SS18: variants seen among roughly 807,000 people sequenced by gnomAD.
The protein encoded by SS18 is protein SSXT.
SS18 carries 28 observed loss-of-function variants against 72.5 expected under a neutral mutation model. The ratio of observed to expected loss-of-function variants is 0.39; its 90% CI spans 0.29 to 0.53. The LOEUF is 0.53. Ranked by LOEUF, SS18 falls within the 20% of genes least tolerant of loss-of-function variation. SS18 has a pLI of 0.76. For missense variants in SS18, 518 were observed against 535.3 expected, an observed-to-expected ratio of 0.97 and a Z score of 0.32; for synonymous variants, 172 against 164.2, an observed-to-expected ratio of 1.05 and a Z score of -0.37.
chr18:26,086,817 C>T (rs972534411), intron 2 of SS18, among the ~76,000 whole-genome samples: 1 of 152,160 alleles, frequency 6.6e-6, no homozygotes, highest in African/African-American at 2.4e-5. Flanking sequence ...AAATGAAGAT[C>T]TAACTTTCCC....
At chr18:26,078,643 T>C (rs1222780203) in intron 2 of SS18, among the ~76,000 whole-genome samples, 2 of 152,274 alleles carry the variant, frequency 1.3e-5, no homozygotes, top group Non-Finnish European at 2.9e-5. Flanking sequence ...CCCAGCCCTT[T>C]AGGAGCCCAA....
intron 1 of SS18, 25 bp from the exon 2 acceptor site, chr18:26,087,602 A>C: frequency 1.5e-6 from 2 of 1,343,994 alleles, no homozygotes; most frequent in Non-Finnish European, 2.1e-6. Context: ...GAAAAGGTTT[A>C]GCATAAAACT....
chr18:26,036,008 T>C (rs1203818514), intron 7 of SS18, 85 bp from the exon 8 acceptor site: 3 of 865,012 alleles, frequency 3.5e-6, no homozygotes, highest in South Asian at 1.7e-5. Flanking sequence ...TCAGATAAAA[T>C]TGAAAAAAAA....
intron 10 of SS18, among the ~76,000 whole-genome samples, chr18:26,023,294 G>C (rs779588978): frequency 2.0e-5 from 3 of 152,056 alleles, no homozygotes; most frequent in Non-Finnish European, 4.4e-5. Context: ...GGACAGACAC[G>C]GAAGATATTA....
chr18:26,087,759 A>C (rs1172788746), intron 1 of SS18, among the ~76,000 whole-genome samples, 182 bp from the exon 2 acceptor site: 2 of 152,302 alleles, frequency 1.3e-5, no homozygotes, highest in Admixed American at 6.5e-5. Flanking sequence ...TTAAGCAAAC[A>C]TGGAAACACA....
At chr18:26,023,636 T>C in intron 10 of SS18, 1 of 530,454 alleles carries the variant, frequency 1.9e-6, no homozygotes, top group East Asian at 4.0e-5. Context: ...TAGAATTCTA[T>C]ACCCAGAGAA....
chr18:26,069,650 A>C (rs2054280050), intron 3 of SS18, among the ~76,000 whole-genome samples: 1 of 152,162 alleles, frequency 6.6e-6, no homozygotes, highest in Non-Finnish European at 1.5e-5. Context: ...AGACTATATG[A>C]TTATCTAGGT....
At position 26,052,724 on chromosome 18, in the gene SS18, T is replaced by A; in HGVS notation, c.507A>T (p.Ser169=). The change falls in exon 5 of 11, where the codon TCA becomes TCT. Residue 169 remains serine (S), a synonymous_variant. Transcript: ENST00000415083. ...GATTCTGTACTGGCATGCTCTGTGA[T>A]GATGGCACAGAATGGTTGTAACCTC... The part of the protein sequence containing the change: ...SMGGYNHSVP[S]SQSMPVQNQM... The A allele has an allele frequency of 6.2e-7, 1 of 1,614,086 alleles. No individual in the cohort carries two copies. Among genetic ancestry groups the A allele is most frequent in the Non-Finnish European group, 8.5e-7 (1 of 1,179,908 alleles).
At chr18:26,045,541 A>G (rs1179189427) in intron 5 of SS18, among the ~76,000 whole-genome samples, 1 of 151,986 alleles carries the variant, frequency 6.6e-6, no homozygotes, top group Non-Finnish European at 1.5e-5. Flanking sequence ...TACTTTGCAT[A>G]TTTCTCTTCA....
intron 5 of SS18, among the ~76,000 whole-genome samples, chr18:26,043,873 G>A (rs2053773020): frequency 6.6e-6 from 1 of 152,040 alleles, no homozygotes; most frequent in Non-Finnish European, 1.5e-5. Context: ...CATAACATTA[G>A]AACTTTAGAA....
chr18:26,067,294 G>A (rs374480716), intron 3 of SS18, among the ~76,000 whole-genome samples: 1 of 152,202 alleles, frequency 6.6e-6, no homozygotes, highest in African/African-American at 2.4e-5. Flanking sequence ...TATGGCAGGT[G>A]AAAGAAAGGG....
chr18:26,041,478 A>T, intron 5 of SS18, among the ~76,000 whole-genome samples: 1 of 152,164 alleles, frequency 6.6e-6, no homozygotes, highest in South Asian at 2.1e-4. Flanking sequence ...CGAAGCAAAT[A>T]ATTTGCAACA....
In SS18 at chr18:26,038,698, T is replaced by C. The variant is rs779477357; in HGVS notation, c.776-39A>G. 4.7e-6 allele frequency: 7 copies of C among 1,503,458 alleles called. No homozygotes were observed. In the Admixed American group the frequency reaches 1.2e-4, roughly 25 times the overall value. The allele number at this position is 1,503,458 out of a possible 1,614,324, so 93.1% of individuals were successfully genotyped here. A position where few individuals can be genotyped will look rare whatever the true frequency, so the allele number is the denominator to read the frequency against. ...ACCAGTCAAGATATAAATAATGTGT[T>C]CTCTATGTCATCAAAGGCTTTCTTT... On this transcript the variant is annotated intron_variant, in intron 6 of 10. Transcript: ENST00000415083.
chr18:26,077,364 A>G (rs62087794), intron 3 of SS18, among the ~76,000 whole-genome samples: 9,454 of 152,210 alleles, frequency 0.062, 511 homozygotes, highest in East Asian at 0.28. Context: ...AGAGAAACAA[A>G]GGAACACGTT....
chr18:26,043,945 C>T (rs75622670), intron 5 of SS18, among the ~76,000 whole-genome samples: 3,109 of 152,228 alleles, frequency 0.02, 48 homozygotes, highest in Middle Eastern at 0.099. Flanking sequence ...TTGTTATTGT[C>T]ATTTGTTTCT....
chr18:26,026,246 C>T (rs1245558980), intron 10 of SS18, among the ~76,000 whole-genome samples: 1 of 152,150 alleles, frequency 6.6e-6, no homozygotes, highest in East Asian at 1.9e-4. Flanking sequence ...GATGCAGATG[C>T]AGAAATTCTT....
intron 10 of SS18, among the ~76,000 whole-genome samples, chr18:26,027,596 C>T (rs903855593): frequency 6.8e-6 from 1 of 147,548 alleles, no homozygotes; most frequent in African/African-American, 2.5e-5. Context: ...CGCTTGAACC[C>T]GGAAGGCGGT....
rs376581468 is a variant in SS18, at chr18:26,017,274, A to G, written c.*1080T>C. The G allele has an allele frequency of 1.0e-5, 2 of 196,104 alleles. No homozygotes were observed. The highest frequency in any genetic ancestry group is 8.1e-5 in the East Asian group (1 of 12,406). The allele number at this position is 196,104 out of a possible 1,614,324, so 12.1% of individuals were successfully genotyped here. A position where few individuals can be genotyped will look rare whatever the true frequency, so the allele number is the denominator to read the frequency against. On this transcript the variant is annotated 3_prime_UTR_variant, in exon 11 of 11. Transcript: ENST00000415083. Reference sequence around the variant, plus strand: ...ACCAACATAAAAAAGGGAAAAACATAAAAGTGTCCCTTTATAAATGATATT... The same window carrying G: ...ACCAACATAAAAAAGGGAAAAACATGAAAGTGTCCCTTTATAAATGATATT...
intron 3 of SS18, among the ~76,000 whole-genome samples, chr18:26,059,740 T>A (rs1393082106): frequency 6.6e-6 from 1 of 152,166 alleles, no homozygotes; most frequent in Admixed American, 6.5e-5. Flanking sequence ...AAAACTTAAT[T>A]CTCTTTGGAG....
Sources: allele counts gnomAD v4.1 joint callset (sites outside exome capture counted in the v4.1 genomes callset), GRCh38; gene constraint gnomAD v4.1.1; transcripts MANE v1.5; gene names NCBI Gene and HGNC (gene_info 2026-07-23, HGNC 2026-07-21).